STX8: variants seen among roughly 807,000 people sequenced by gnomAD.
STX8 encodes the protein syntaxin 8.
Under a neutral mutation model 37.5 loss-of-function variants are expected in STX8, and 23 were observed. That is an observed-to-expected ratio of 0.61 (90% confidence interval 0.44 to 0.87). STX8 has a LOEUF of 0.87. STX8 is among the 40% of genes least tolerant of loss of function. The pLI is 0.00. For synonymous variants in STX8, 115 were observed against 99.1 expected (o/e 1.16, Z -0.95); for missense variants, 313 against 284.7 (o/e 1.10, Z -0.71).
intron 7 of STX8, among the ~76,000 whole-genome samples, chr17:9,289,037 GC>G (rs1172296779): frequency 6.6e-6 from 1 of 152,162 alleles, no homozygotes; most frequent in African/African-American, 2.4e-5. Flanking sequence ...GCTCCTAAGA[GC>G]AAAATAGGAT....
intron 6 of STX8, among the ~76,000 whole-genome samples, chr17:9,384,025 A>C (rs528656196): frequency 6.6e-6 from 1 of 152,110 alleles, no homozygotes; most frequent in African/African-American, 2.4e-5. Flanking sequence ...TTTCTGAGGA[A>C]CCCCCATGCT....
intron 6 of STX8, among the ~76,000 whole-genome samples, chr17:9,426,347 C>T (rs71358247): frequency 0.18 from 27,707 of 151,870 alleles, 3,067 homozygotes; most frequent in Middle Eastern, 0.27. Flanking sequence ...GCCAACATGG[C>T]GAAACCCTGT....
At chr17:9,523,202 C>T (rs548198776) in intron 4 of STX8, among the ~76,000 whole-genome samples, 4 of 151,078 alleles carry the variant, frequency 2.6e-5, no homozygotes, top group East Asian at 2.0e-4. Context: ...GTCCCAGCTA[C>T]TTGGGAGGCT....
At chr17:9,484,567 G>A (rs112403776) in intron 6 of STX8, among the ~76,000 whole-genome samples, 20 of 151,504 alleles carry the variant, frequency 1.3e-4, no homozygotes, top group African/African-American at 4.1e-4. Context: ...TGTAATCCTA[G>A]CACTTTGGAA....
chr17:9,317,233 T>G (rs1285422397), intron 7 of STX8, among the ~76,000 whole-genome samples: 1 of 152,004 alleles, frequency 6.6e-6, no homozygotes, highest in African/African-American at 2.4e-5. Context: ...AGAACGTAAA[T>G]GGGATAGGGC....
chr17:9,300,271 C>T (rs1457365929), intron 7 of STX8, among the ~76,000 whole-genome samples: 3 of 133,758 alleles, frequency 2.2e-5, no homozygotes, highest in Non-Finnish European at 4.6e-5. Context: ...GAGGAGGTTG[C>T]GGTGAGCCAC....
chr17:9,320,787 G>A (rs1344078077), intron 7 of STX8, among the ~76,000 whole-genome samples: 1 of 151,666 alleles, frequency 6.6e-6, no homozygotes, highest in Non-Finnish European at 1.5e-5. Context: ...TCTAGTCCCA[G>A]CTAGTCAAGA....
chr17:9,515,128 TGGTG>T (rs1166689028), intron 4 of STX8, among the ~76,000 whole-genome samples: 5 of 152,222 alleles, frequency 3.3e-5, no homozygotes, highest in Non-Finnish European at 5.9e-5. Flanking sequence ...GTTTGCATTC[TGGTG>T]GGATGAAACA....
chr17:9,309,963 T>C (rs929980470), intron 7 of STX8, among the ~76,000 whole-genome samples: 1 of 152,238 alleles, frequency 6.6e-6, no homozygotes, highest in Non-Finnish European at 1.5e-5. Flanking sequence ...TAAGAAGTAT[T>C]TCCTATAGCA....
At chr17:9,521,617 C>G (rs182303685) in intron 4 of STX8, among the ~76,000 whole-genome samples, 1 of 152,196 alleles carries the variant, frequency 6.6e-6, no homozygotes, top group Non-Finnish European at 1.5e-5. Context: ...CTGACAAACA[C>G]TGAATATCTT....
intron 3 of STX8, among the ~76,000 whole-genome samples, chr17:9,549,623 T>C (rs1434060049): frequency 8.5e-5 from 13 of 152,198 alleles, no homozygotes; most frequent in Admixed American, 8.5e-4. Flanking sequence ...TTCAGAATAT[T>C]CCCAGAGACT....
intron 7 of STX8, among the ~76,000 whole-genome samples, chr17:9,267,206 A>T (rs1907260891): frequency 6.6e-6 from 1 of 152,184 alleles, no homozygotes; most frequent in African/African-American, 2.4e-5. Context: ...TCATTTGAGT[A>T]AGGGACCCAA....
At chr17:9,531,676 C>T (rs940701751) in intron 4 of STX8, among the ~76,000 whole-genome samples, 1 of 152,174 alleles carries the variant, frequency 6.6e-6, no homozygotes, top group African/African-American at 2.4e-5. Context: ...CACTGAGGGT[C>T]TTAGAATGTG....
At chr17:9,503,907 G>A (rs1275441958) in intron 5 of STX8, among the ~76,000 whole-genome samples, 1 of 152,096 alleles carries the variant, frequency 6.6e-6, no homozygotes, top group African/African-American at 2.4e-5. Context: ...TAGGACTACA[G>A]GTGCGTGCCA....
intron 6 of STX8, among the ~76,000 whole-genome samples, chr17:9,482,701 A>G (rs9894390): frequency 0.037 from 5,550 of 152,048 alleles, 327 homozygotes; most frequent in African/African-American, 0.12. Context: ...ATCACCTGAG[A>G]CCCGGAGTTC....
intron 6 of STX8, among the ~76,000 whole-genome samples, chr17:9,449,929 G>T (rs1234209142): frequency 2.0e-5 from 3 of 151,522 alleles, no homozygotes; most frequent in African/African-American, 7.3e-5. Context: ...GGCCAGCCTG[G>T]GAAACATAGT....
At chr17:9,317,734 C>G (rs1332421914) in intron 7 of STX8, among the ~76,000 whole-genome samples, 3 of 151,388 alleles carry the variant, frequency 2.0e-5, no homozygotes, top group African/African-American at 7.3e-5. Flanking sequence ...CCACTGCACT[C>G]CAGCCTGGGT....
rs576205124 is a variant in STX8, at chr17:9,411,876, T to C, written c.542-33223A>G. Reference sequence around the variant, plus strand: ...ACAGTAGTATATATAATTTTTCAGATACAATTATAAAAATATTCGAGAGGG... The same window carrying C: ...ACAGTAGTATATATAATTTTTCAGACACAATTATAAAAATATTCGAGAGGG... On this transcript the variant is annotated intron_variant, in intron 6 of 7. Coordinates refer to ENST00000306357, the MANE Select transcript of STX8 (RefSeq NM_004853.3). Among the ~76,000 whole-genome samples the C allele has an allele frequency of 5.9e-5, 9 of 152,278 alleles. No homozygotes were observed. In the East Asian group the frequency reaches 1.5e-3, roughly 26 times the overall value.
chr17:9,281,151 G>C (rs528491124), intron 7 of STX8, among the ~76,000 whole-genome samples: 1 of 152,274 alleles, frequency 6.6e-6, no homozygotes, highest in African/African-American at 2.4e-5. Flanking sequence ...GGACTAGAGG[G>C]GGCAGAACTG....
Sources: allele counts gnomAD v4.1 joint callset (sites outside exome capture counted in the v4.1 genomes callset), GRCh38; gene constraint gnomAD v4.1.1; transcripts MANE v1.5; gene names NCBI Gene and HGNC (gene_info 2026-07-23, HGNC 2026-07-21).